Variants in AGBL1 observed in about 807,000 individuals in gnomAD.
AGBL1 encodes the protein AGBL carboxypeptidase 1.
A neutral mutation model predicts 118.9 loss-of-function variants in AGBL1; 130 were observed. The observed-to-expected ratio is 1.09, with a 90% CI of 0.95 to 1.26. The LOEUF is 1.26. AGBL1 is among the 50% of genes most tolerant of loss of function. The probability of loss-of-function intolerance (pLI) is 0.00; values close to 1 mark genes in which losing one functional copy is unlikely to be tolerated. For missense variants in AGBL1, 1,584 were observed against 1,298.1 expected (o/e 1.22, Z -3.38); for synonymous variants, 555 against 478.9 (o/e 1.16, Z -2.08).
chr15:86,815,428 G>T (rs917868094), intron 22 of AGBL1, among the ~76,000 whole-genome samples: 1 of 152,104 alleles, frequency 6.6e-6, no homozygotes, highest in East Asian at 1.9e-4. Context: ...CTTACTGCAA[G>T]GAGTGGGGGT....
chr15:86,727,610 GAA>G (rs572278532), intron 22 of AGBL1, among the ~76,000 whole-genome samples: 14 of 152,094 alleles, frequency 9.2e-5, no homozygotes, highest in Non-Finnish European at 1.2e-4. Context: ...CAAATGTAAA[GAA>G]AGAGCATCAG....
intron 10 of AGBL1, 25 bp from the exon 11 acceptor site, chr15:86,264,233 A>G (rs761005367): frequency 3.3e-6 from 5 of 1,512,438 alleles, no homozygotes; most frequent in Middle Eastern, 1.7e-4. Flanking sequence ...ACACTAACAT[A>G]TTGTATTCCA....
intron 1 of AGBL1, chr15:86,086,512 AG>A (rs1348103851): frequency 6.6e-6 from 1 of 152,228 alleles, no homozygotes; most frequent in East Asian, 1.9e-4. Context: ...GGAGCATTCA[AG>A]GTCAAGAGCT....
intron 21 of AGBL1, among the ~76,000 whole-genome samples, chr15:86,634,123 C>T (rs375489770): frequency 2.0e-5 from 3 of 151,906 alleles, no homozygotes; most frequent in Non-Finnish European, 1.5e-5. Context: ...GAGAATGTAA[C>T]GTGGTGAAAT....
At chr15:86,296,838 T>A (rs1209721641) in intron 17 of AGBL1, 1 of 152,178 alleles carries the variant, frequency 6.6e-6, no homozygotes, top group Non-Finnish European at 1.5e-5. Flanking sequence ...GTAACTTTCA[T>A]TGAACAATTA....
At chr15:86,595,120 T>C (rs1567075505) in intron 21 of AGBL1, among the ~76,000 whole-genome samples, 1 of 152,232 alleles carries the variant, frequency 6.6e-6, no homozygotes, top group South Asian at 2.1e-4. Context: ...GAACTTTTAA[T>C]GTTGAAATGC....
At chr15:86,707,040 T>A (rs1317082556) in intron 22 of AGBL1, among the ~76,000 whole-genome samples, 1 of 152,146 alleles carries the variant, frequency 6.6e-6, no homozygotes, top group Non-Finnish European at 1.5e-5. Flanking sequence ...TCATATAATG[T>A]GAACAACTCA....
chr15:86,276,721 T>C (rs1396923320), intron 15 of AGBL1, among the ~76,000 whole-genome samples: 1 of 151,872 alleles, frequency 6.6e-6, no homozygotes, highest in Non-Finnish European at 1.5e-5. Flanking sequence ...ATAAGGAAGA[T>C]GGAAAGGGCT....
chr15:86,948,174 T>G (rs1481163648), intron 23 of AGBL1, among the ~76,000 whole-genome samples: 2 of 151,996 alleles, frequency 1.3e-5, no homozygotes, highest in Non-Finnish European at 2.9e-5. Flanking sequence ...AGGAGGTGGA[T>G]TTAGACCAAA....
intron 24 of AGBL1, among the ~76,000 whole-genome samples, chr15:87,014,852 C>T (rs540676847): frequency 2.6e-5 from 4 of 152,046 alleles, no homozygotes; most frequent in African/African-American, 9.7e-5. Flanking sequence ...TGTAGCCATG[C>T]TTGATGATTA....
intron 10 of AGBL1, among the ~76,000 whole-genome samples, 181 bp from the exon 11 acceptor site, chr15:86,264,077 T>G (rs1217832521): frequency 6.6e-6 from 1 of 152,156 alleles, no homozygotes; most frequent in African/African-American, 2.4e-5. Context: ...AAACATGAGT[T>G]TCTATGATTC....
At chr15:86,139,546 G>C (rs979245077) in intron 1 of AGBL1, among the ~76,000 whole-genome samples, 2 of 151,974 alleles carry the variant, frequency 1.3e-5, no homozygotes, top group African/African-American at 4.8e-5. Context: ...GGGAGGCTGA[G>C]GCAGGAGATC....
intron 24 of AGBL1, among the ~76,000 whole-genome samples, chr15:87,010,091 G>A (rs889309900): frequency 6.6e-6 from 1 of 152,088 alleles, no homozygotes; most frequent in African/African-American, 2.4e-5. Flanking sequence ...GAGGGGCCAG[G>A]GGTGGAATGA....
intron 22 of AGBL1, among the ~76,000 whole-genome samples, chr15:86,864,574 C>G (rs1290402773): frequency 6.6e-6 from 1 of 152,104 alleles, no homozygotes; most frequent in Non-Finnish European, 1.5e-5. Flanking sequence ...AGCTTGCCTT[C>G]ATACTACTCT....
intron 21 of AGBL1, among the ~76,000 whole-genome samples, chr15:86,569,445 A>G (rs186649716): frequency 6.6e-6 from 1 of 151,966 alleles, no homozygotes; most frequent in South Asian, 2.1e-4. Flanking sequence ...CCGGATGCTA[A>G]TCTATCATTT....
chr15:86,749,493 A>G (rs113539986), intron 22 of AGBL1, among the ~76,000 whole-genome samples: 32,582 of 151,278 alleles, frequency 0.22, 3,637 homozygotes, highest in East Asian at 0.28. Context: ...CTAATTGAAT[A>G]CCCTTTATTT....
chr15:86,863,994 T>G (rs1039270490), intron 22 of AGBL1, among the ~76,000 whole-genome samples: 1 of 152,182 alleles, frequency 6.6e-6, no homozygotes, highest in African/African-American at 2.4e-5. Flanking sequence ...ATACAATTAT[T>G]AACAATGACC....
At chr15:86,175,482 T>G (rs1440054580) in intron 5 of AGBL1, among the ~76,000 whole-genome samples, 1 of 152,094 alleles carries the variant, frequency 6.6e-6, no homozygotes, top group Non-Finnish European at 1.5e-5. Flanking sequence ...TTGTATTTTT[T>G]TAGTCTCTAT....
chr15:86,271,608 A>T lies in AGBL1; in HGVS notation c.1988-11A>T, dbSNP rs755348864. On this transcript the variant is annotated splice_polypyrimidine_tract_variant and intron_variant, in intron 14 of 22. Transcript: ENST00000614907. ...TCCCTCATGGATTAATTCCTTTCTG[A>T]TTTTGTGTAGGGATGCAGCCCACCC... 1.1e-5 allele frequency: 18 copies of T among 1,597,892 alleles called. No individual in the cohort carries two copies. Among genetic ancestry groups the T allele is most frequent in the Non-Finnish European group, 8.6e-7 (1 of 1,165,578 alleles).
Sources: allele counts gnomAD v4.1 joint callset (sites outside exome capture counted in the v4.1 genomes callset), GRCh38; gene constraint gnomAD v4.1.1; transcripts MANE v1.5; gene names NCBI Gene and HGNC (gene_info 2026-07-23, HGNC 2026-07-21).